NTM: variants seen among roughly 807,000 people sequenced by gnomAD.
The protein encoded by NTM is neurotrimin, also known as IgLON family member 2.
In NTM, 13 loss-of-function variants were observed where a neutral mutation model predicts 42.1. That is an observed-to-expected ratio of 0.31 (90% CI 0.20 to 0.49). The LOEUF (loss-of-function observed/expected upper bound fraction) is 0.49. NTM is among the 20% of genes least tolerant of loss of function. The pLI, the probability that NTM is intolerant of heterozygous loss-of-function variation, is 0.99. For missense variants in NTM, 373 were observed against 452.8 expected (o/e 0.82, Z 1.60); for synonymous variants, 187 against 179.2 (o/e 1.04, Z -0.35).
chr11:132,310,661 C>G lies in NTM; in HGVS notation c.782+429C>G, dbSNP rs117143884. ...TAAGTTAGCTGCAGCTAGTAGGTCT[C>G]CCCTCCTGTTCCAGACACTATCAGT... is the stretch of plus-strand genomic sequence containing the variant. On this transcript the variant is annotated intron_variant, in intron 6 of 8. Coordinates refer to ENST00000683400, the MANE Select transcript of NTM (RefSeq NM_001352005.2). 8.0e-3 allele frequency among the ~76,000 whole-genome samples: 1,225 copies of G among 152,250 alleles called. 5 individuals carry two copies. Among genetic ancestry groups the G allele is most frequent in the Middle Eastern group, 0.044 (13 of 294 alleles).
At chr11:131,498,480 T>C (rs1302553517) in intron 1 of NTM, among the ~76,000 whole-genome samples, 3 of 152,186 alleles carry the variant, frequency 2.0e-5, no homozygotes, top group Non-Finnish European at 4.4e-5. Flanking sequence ...ATCCTGCAAA[T>C]GGCTCTGACC....
rs139350740 is a variant in NTM at position 131,852,828 on chromosome 11, A to C, written c.83-58736A>C. On this transcript the variant is annotated intron_variant, in intron 1 of 8. Coordinates refer to ENST00000683400, the MANE Select transcript of NTM (RefSeq NM_001352005.2). ...TCATCCACTCATCAATTCATCTTCTATTCACCCACCCATCCATCCACCCAT... is the reference window on the plus strand; with the variant it reads ...TCATCCACTCATCAATTCATCTTCTCTTCACCCACCCATCCATCCACCCAT... Among the ~76,000 whole-genome samples the C allele has an allele frequency of 6.3e-3, 952 of 150,660 alleles. 6 individuals are homozygous for C. The highest frequency in any genetic ancestry group is 1.0e-2 in the Non-Finnish European group (676 of 67,682).
intron 1 of NTM, among the ~76,000 whole-genome samples, chr11:131,864,038 A>G (rs58011022): frequency 0.012 from 1,877 of 152,258 alleles, 41 homozygotes; most frequent in African/African-American, 0.043. Context: ...TGCCCAGCAT[A>G]AGAAGTCGGG....
Position 132,335,233 on chromosome 11 carries a change from C to T in NTM, c.*87C>T. 1 of 1,373,912 alleles carries T rather than the reference C, an allele frequency of 7.3e-7. No individual in the cohort carries two copies. The highest frequency in any genetic ancestry group is 1.3e-5 in the South Asian group (1 of 78,428). The allele number at this position is 1,373,912 out of a possible 1,614,324, so 85.1% of individuals were successfully genotyped here. ...AATGGCAACACCGACAGCAACCAAT[C>T]AGATATATACAAATGAAATTAGAAG... is the stretch of plus-strand genomic sequence containing the variant. On this transcript the variant is annotated 3_prime_UTR_variant, in exon 9 of 9. Coordinates refer to ENST00000683400, the MANE Select transcript of NTM (RefSeq NM_001352005.2).
At chr11:131,991,955 T>G (rs778080799) in intron 2 of NTM, among the ~76,000 whole-genome samples, 26 of 152,170 alleles carry the variant, frequency 1.7e-4, no homozygotes, top group Non-Finnish European at 7.3e-5. Flanking sequence ...TGTTTATTAA[T>G]CTGCATCATT....
At chr11:131,799,401 G>A (rs567133512) in intron 1 of NTM, among the ~76,000 whole-genome samples, 15 of 152,234 alleles carry the variant, frequency 9.9e-5, no homozygotes, top group Admixed American at 7.2e-4. Context: ...AATCAAGAAG[G>A]CATATTGCAG....
rs71480226 is a variant in NTM, at chr11:132,004,605, T to TTCTCTCTCTCTC, written c.167+92976_167+92987dup. On this transcript the variant is annotated intron_variant, in intron 2 of 8. Transcript: ENST00000683400. ...AAGAAGTTTCTCTCTCTTTCTCTCTTTCTCTCTCTCTCTCTCTCTCTCTCT... is the reference window on the plus strand; with the variant it reads ...AAGAAGTTTCTCTCTCTTTCTCTCTTTCTCTCTCTCTCTCTCTCTCTCTCTCTCTCTCTCTCT... Among the ~76,000 whole-genome samples, 12 of 144,144 alleles carry TTCTCTCTCTCTC rather than the reference T, an allele frequency of 8.3e-5. No individual in the cohort carries two copies. The South Asian group carries it at 1.8e-3, about 22-fold the overall frequency. The allele number at this position is 144,144 out of a possible 152,430, so 94.6% of individuals were successfully genotyped here. A position where few individuals can be genotyped will look rare whatever the true frequency, so the allele number is the denominator to read the frequency against.
rs560882088 is a variant in NTM at position 131,705,424 on chromosome 11, G to T, written c.83-206140G>T. 3.3e-5 allele frequency among the ~76,000 whole-genome samples: 5 copies of T among 152,096 alleles called. No individual in the cohort carries two copies. In the South Asian group the frequency reaches 1.0e-3, roughly 31 times the overall value. On this transcript the variant is annotated intron_variant, in intron 1 of 8. Transcript: ENST00000683400. ...AGACTAAAGACTTACCCAGACAAAT[G>T]AAAGCTGAGGGCACTCAACACCACT...
At chr11:131,942,905 C>T (rs1172381910) in intron 2 of NTM, among the ~76,000 whole-genome samples, 2 of 150,756 alleles carry the variant, frequency 1.3e-5, no homozygotes, top group Non-Finnish European at 2.9e-5. Flanking sequence ...GAGATCTGGC[C>T]ACCGCACTCC....
chr11:132,160,723 A>C (rs1231138654), intron 3 of NTM, among the ~76,000 whole-genome samples: 1 of 152,198 alleles, frequency 6.6e-6, no homozygotes, highest in Non-Finnish European at 1.5e-5. Flanking sequence ...GACTTTGGAC[A>C]TGAAGTTTTG....
chr11:132,143,424 G>T (rs1413404433), intron 2 of NTM, among the ~76,000 whole-genome samples: 1 of 152,156 alleles, frequency 6.6e-6, no homozygotes, highest in Non-Finnish European at 1.5e-5. Flanking sequence ...TCTTTTGGGA[G>T]CACCTATAAG....
At chr11:131,873,588 GTATATATATACATATATATATACC>G in intron 1 of NTM, among the ~76,000 whole-genome samples, 1 of 35,586 alleles carries the variant, frequency 2.8e-5, no homozygotes, top group African/African-American at 7.3e-5. Flanking sequence ...TATATATACC[GTATATATATACATATATATATACC>G]GTATATATAT....
intron 1 of NTM, among the ~76,000 whole-genome samples, chr11:131,806,930 A>C (rs1408748657): frequency 6.6e-6 from 1 of 152,216 alleles, no homozygotes; most frequent in Non-Finnish European, 1.5e-5. Flanking sequence ...TTAGGGTATA[A>C]ATATTGCCAT....
chr11:131,735,309 T>A (rs549648054), intron 1 of NTM, among the ~76,000 whole-genome samples: 2 of 152,330 alleles, frequency 1.3e-5, no homozygotes, highest in South Asian at 4.1e-4. Flanking sequence ...TCCCCCATCT[T>A]CTATGCTCGC....
chr11:132,099,179 A>T (rs1307934050), intron 2 of NTM, among the ~76,000 whole-genome samples: 2 of 152,006 alleles, frequency 1.3e-5, no homozygotes, highest in East Asian at 3.9e-4. Context: ...AGGGGGAAAA[A>T]CTCTGCTGAC....
chr11:131,428,455 A>G (rs1948364768), intron 1 of NTM, among the ~76,000 whole-genome samples: 2 of 152,088 alleles, frequency 1.3e-5, no homozygotes, highest in African/African-American at 4.8e-5. Flanking sequence ...CCATGCCCTC[A>G]GTGCCTTATC....
intron 1 of NTM, among the ~76,000 whole-genome samples, chr11:131,736,136 T>C (rs185996240): frequency 1.3e-5 from 2 of 152,098 alleles, no homozygotes; most frequent in Non-Finnish European, 2.9e-5. Flanking sequence ...CCCAGCCTCA[T>C]GAGATAAATA....
chr11:131,882,259 G>A (rs988386077), intron 1 of NTM, among the ~76,000 whole-genome samples: 108 of 152,278 alleles, frequency 7.1e-4, no homozygotes, highest in Non-Finnish European at 1.5e-4. Flanking sequence ...TACAGAGACC[G>A]GCAAGTTCAA....
rs566043819 is a variant in NTM at position 132,071,102 on chromosome 11, C to T, written c.168-75180C>T. Among the ~76,000 whole-genome samples the T allele has an allele frequency of 6.6e-4, 94 of 143,398 alleles. 10 individuals carry two copies. Among genetic ancestry groups the T allele is most frequent in the Middle Eastern group, 7.2e-3 (2 of 278 alleles). The allele number at this position is 143,398 out of a possible 152,430, so 94.1% of individuals were successfully genotyped here. A position where few individuals can be genotyped will look rare whatever the true frequency, so the allele number is the denominator to read the frequency against. ...AACACGTCACACAGCCAGGTTAGCA[C>T]GTCACACTGAGAATCACAGGTTAGT... On this transcript the variant is annotated intron_variant, in intron 2 of 8. Coordinates refer to ENST00000683400, the MANE Select transcript of NTM (RefSeq NM_001352005.2).
Sources: gnomAD v4.1 joint callset for allele counts (sites outside exome capture counted in the v4.1 genomes callset) on GRCh38, gnomAD v4.1.1 for gene constraint, MANE v1.5 for transcripts, NCBI Gene and HGNC (gene_info 2026-07-23, HGNC 2026-07-21) for gene names.